Variants in PPP5C observed in about 807,000 individuals in gnomAD.
PPP5C encodes serine/threonine-protein phosphatase 5.
PPP5C carries 21 observed loss-of-function variants against 66.7 expected under a neutral mutation model. That is an observed-to-expected ratio of 0.31 (90% confidence interval 0.22 to 0.45). The LOEUF is 0.45. PPP5C is among the 20% of genes least tolerant of loss of function. The pLI is 1.00. For missense variants in PPP5C, 464 were observed against 675.9 expected (o/e 0.69, Z 3.48); for synonymous variants, 246 against 257.4 (o/e 0.96, Z 0.43).
In PPP5C at chr19:46,390,342, T is replaced by C; in HGVS notation, c.1496T>C (p.Met499Thr). The C allele has an allele frequency of 6.3e-7, 1 of 1,576,222 alleles. No homozygotes were observed. The highest frequency in any genetic ancestry group is 8.6e-7 in the Non-Finnish European group (1 of 1,161,004). The change falls in exon 13 of 13, where the codon ATG becomes ACG. Residue 499 changes from methionine to threonine, a missense_variant. This residue lies in a region of PPP5C where 387 missense variants were observed against 626.0 expected (regional missense o/e 0.62). Coordinates refer to ENST00000012443, the MANE Select transcript of PPP5C (RefSeq NM_006247.4). ...AACACGCTGCTGCAGCTAGGAATGA[T>C]GTGAGGTGACGGGCGGGGCGGCCTG... is the stretch of plus-strand genomic sequence containing the variant. ...YANTLLQLGM[M>T]
chr19:46,355,604 G>A (rs1241074985), intron 2 of PPP5C, among the ~76,000 whole-genome samples: 1 of 152,098 alleles, frequency 6.6e-6, no homozygotes, highest in Non-Finnish European at 1.5e-5. Flanking sequence ...GGGCAGCAGA[G>A]CAGAGGCCTT....
At chr19:46,367,389 T>C (rs772119252) in intron 2 of PPP5C, among the ~76,000 whole-genome samples, 2 of 152,202 alleles carry the variant, frequency 1.3e-5, no homozygotes, top group Non-Finnish European at 2.9e-5. Flanking sequence ...AGATTCTGCA[T>C]GTAATGTTGC....
At chr19:46,361,128 A>ATTTTTTTTTTTTTTTTT (rs202038384) in intron 2 of PPP5C, among the ~76,000 whole-genome samples, 2 of 133,416 alleles carry the variant, frequency 1.5e-5, no homozygotes, top group African/African-American at 2.8e-5. Flanking sequence ...AGTGAAAGAA[A>ATTTTTTTTTTTTTTTTT]ATTTTTTTTT....
chr19:46,376,518 G>A lies in PPP5C; in HGVS notation c.577G>A (p.Glu193Lys). Residue 193 changes from glutamate to lysine, a missense_variant, in exon 4 of 13, where the codon GAG becomes AAG. Transcript: ENST00000012443. The surrounding 1 kb of genome is among the most constrained non-coding windows in gnomAD (Gnocchi z 5.1). ...DGKVTISFMK[E>K]LMQWYKDQKK... is the part of the protein sequence containing the mutation. Reference sequence around the variant, plus strand: ...CAAAGTGACAATCAGTTTCATGAAGGAGCTCATGCAGTGGTACAAGGACCA... The same window carrying A: ...CAAAGTGACAATCAGTTTCATGAAGAAGCTCATGCAGTGGTACAAGGACCA... The A allele has an allele frequency of 6.2e-7, 1 of 1,613,914 alleles. No homozygotes were observed. Among genetic ancestry groups the A allele is most frequent in the African/African-American group, 1.3e-5 (1 of 75,000 alleles).
In PPP5C at chr19:46,347,287, A is replaced by T; in HGVS notation, c.121+70A>T. Reference sequence around the variant, plus strand: ...GGGTGCCGGGCCCGCGCGGAACCATAGCAACGCGGAGCTGCAGCCTGGGCG... The same window carrying T: ...GGGTGCCGGGCCCGCGCGGAACCATTGCAACGCGGAGCTGCAGCCTGGGCG... On this transcript the variant is annotated intron_variant, in intron 1 of 12. Coordinates refer to ENST00000012443, the MANE Select transcript of PPP5C (RefSeq NM_006247.4). The T allele has an allele frequency of 2.0e-6, 3 of 1,498,606 alleles. No homozygotes were observed. The South Asian group carries it at 3.9e-5, about 20-fold the overall frequency. The allele number at this position is 1,498,606 out of a possible 1,614,324, so 92.8% of individuals were successfully genotyped here.
intron 1 of PPP5C, among the ~76,000 whole-genome samples, chr19:46,351,074 A>G (rs1972175537): frequency 6.6e-6 from 1 of 152,118 alleles, no homozygotes; most frequent in African/African-American, 2.4e-5. Context: ...CCGCTTCTGT[A>G]AAATGGGGGG....
Position 46,390,606 on chromosome 19 carries a change from A to G in PPP5C, c.*260A>G. The G allele has an allele frequency of 7.5e-7, 1 of 1,332,386 alleles. No individual in the cohort carries two copies. The highest frequency in any genetic ancestry group is 9.7e-7 in the Non-Finnish European group (1 of 1,034,102). The allele number at this position is 1,332,386 out of a possible 1,614,324, so 82.5% of individuals were successfully genotyped here. On this transcript the variant is annotated 3_prime_UTR_variant, in exon 13 of 13. Coordinates refer to ENST00000012443, the MANE Select transcript of PPP5C (RefSeq NM_006247.4). ...GGCACAGCCTGGGCATTCTGTGGGGAGGCCGTCCTCGGGGTGGGGTGGGGC... is the reference window on the plus strand; with the variant it reads ...GGCACAGCCTGGGCATTCTGTGGGGGGGCCGTCCTCGGGGTGGGGTGGGGC...
rs749945714 is a variant in PPP5C at position 46,376,400 on chromosome 19, C to G, written c.512-53C>G. On this transcript the variant is annotated intron_variant, in intron 3 of 12. Transcript: ENST00000012443. This position sits in a 1 kb window ranked among gnomAD's most constrained non-coding sequence, Gnocchi z 5.1. The stretch of plus-strand genomic sequence containing the variant: ...ATCCCTGGGAGCGAGACCCCCTTCT[C>G]CCTCATAGTGGCTGTGGTCACTGAC... 1 of 1,600,518 alleles carries G rather than the reference C, an allele frequency of 6.2e-7. No individual in the cohort carries two copies. The highest frequency in any genetic ancestry group is 8.5e-7 in the Non-Finnish European group (1 of 1,171,738).
In PPP5C at chr19:46,389,918, CTGTCCATCTG is replaced by C. The variant is rs1972982741; in HGVS notation, c.1356-128_1356-119del. 9.4e-6 allele frequency: 7 copies of C among 746,796 alleles called. No individual in the cohort carries two copies. The South Asian group carries it at 1.1e-4, about 12-fold the overall frequency. The allele number at this position is 746,796 out of a possible 1,614,324, so 46.3% of individuals were successfully genotyped here. A position where few individuals can be genotyped will look rare whatever the true frequency, so the allele number is the denominator to read the frequency against. ...ATTCGTCTTTCCCATCTCTGTCTCT[CTGTCCATCTG>C]TGTCTGTTGTGGCTCTGTCCCTCCC... On this transcript the variant is annotated intron_variant, in intron 11 of 12. Transcript: ENST00000012443.
At chr19:46,361,221 C>T (rs1972382681) in intron 2 of PPP5C, among the ~76,000 whole-genome samples, 1 of 150,212 alleles carries the variant, frequency 6.7e-6, no homozygotes, top group South Asian at 2.1e-4. Context: ...GCTCCACCTC[C>T]CGGATTCACC....
chr19:46,365,403 C>T (rs750127691), intron 2 of PPP5C, among the ~76,000 whole-genome samples: 107 of 152,144 alleles, frequency 7.0e-4, no homozygotes, highest in Non-Finnish European at 9.8e-4. Context: ...CAGGCGTGAG[C>T]CACACACCCA....
chr19:46,357,471 C>T lies in PPP5C; in HGVS notation c.363+3482C>T, dbSNP rs577038773. On this transcript the variant is annotated intron_variant, in intron 2 of 12. Transcript: ENST00000012443. ...CAAGCAGTCGATTCTGCAGTGGACA[C>T]CAGCTGGGTGTTCTCTTATTGAATT... Among the ~76,000 whole-genome samples the T allele has an allele frequency of 6.6e-5, 10 of 152,308 alleles. 1 individual carries two copies. Among genetic ancestry groups the T allele is most frequent in the Admixed American group, 6.5e-4 (10 of 15,302 alleles).
intron 2 of PPP5C, among the ~76,000 whole-genome samples, chr19:46,370,459 G>A (rs1358658711): frequency 6.6e-6 from 1 of 152,224 alleles, no homozygotes; most frequent in Non-Finnish European, 1.5e-5. Flanking sequence ...CACGCATGGA[G>A]CTGTCATCTA....
At chr19:46,367,575 C>T (rs1972511922) in intron 2 of PPP5C, among the ~76,000 whole-genome samples, 1 of 152,186 alleles carries the variant, frequency 6.6e-6, no homozygotes, top group Non-Finnish European at 1.5e-5. Context: ...CACTCACCCA[C>T]ACTGGAGGGT....
intron 1 of PPP5C, 81 bp downstream of exon 1, chr19:46,347,298 G>T (rs779389756): frequency 2.8e-5 from 41 of 1,482,472 alleles, no homozygotes; most frequent in Non-Finnish European, 3.5e-5. Context: ...GCAACGCGGA[G>T]CTGCAGCCTG....
chr19:46,360,984 AC>A (rs1440631680), intron 2 of PPP5C, among the ~76,000 whole-genome samples: 2 of 152,122 alleles, frequency 1.3e-5, no homozygotes, highest in Admixed American at 1.3e-4. Context: ...TAATCAAAAG[AC>A]CTAATAAAGA....
intron 2 of PPP5C, among the ~76,000 whole-genome samples, chr19:46,358,381 C>T (rs920917075): frequency 5.9e-5 from 9 of 152,244 alleles, no homozygotes; most frequent in East Asian, 1.9e-4. Flanking sequence ...CAAAAGCAGG[C>T]GTGATCTCAG....
intron 2 of PPP5C, among the ~76,000 whole-genome samples, chr19:46,374,312 G>A (rs930947916): frequency 1.3e-5 from 2 of 152,132 alleles, no homozygotes; most frequent in Non-Finnish European, 2.9e-5. Context: ...TCTGAGTCAC[G>A]CTGCCAGGCT....
intron 2 of PPP5C, among the ~76,000 whole-genome samples, chr19:46,368,959 A>G (rs1972536655): frequency 6.6e-6 from 1 of 152,196 alleles, no homozygotes; most frequent in African/African-American, 2.4e-5. Context: ...TCTGCAAGCT[A>G]TCACACTGGT....
Sources: allele counts gnomAD v4.1 joint callset (sites outside exome capture counted in the v4.1 genomes callset), GRCh38; gene constraint gnomAD v4.1.1; regional missense constraint gnomAD v4.1.1; non-coding constraint Gnocchi (gnomAD v3.1); transcripts MANE v1.5; gene names NCBI Gene and HGNC (gene_info 2026-07-23, HGNC 2026-07-21).